Variants in DNAH7 observed in about 807,000 individuals in gnomAD.
DNAH7 encodes the protein dynein axonemal heavy chain 7, also known as axonemal beta dynein heavy chain 7.
DNAH7 carries 397 observed loss-of-function variants against 444.6 expected under a neutral mutation model. The ratio of observed to expected loss-of-function variants is 0.89; its 90% CI spans 0.82 to 0.97. The LOEUF is 0.97. Among genes scored for constraint, DNAH7 ranks in the 50% least tolerant of loss-of-function variants. DNAH7 has a pLI of 0.00. For synonymous variants in DNAH7, 1,636 were observed against 1,624.4 expected, an observed-to-expected ratio of 1.01 and a Z score of -0.17; for missense variants, 4,902 against 4,800.8, an observed-to-expected ratio of 1.02 and a Z score of -0.62.
At position 195,853,392 on chromosome 2, in the gene DNAH7, G is replaced by A. The variant is rs140034373; in HGVS notation, c.8732C>T (p.Ser2911Phe). Reference protein sequence around the residue: ...YINLTGDILISSGVVAYLGAF... With the variant: ...YINLTGDILIFSGVVAYLGAF... ...TCCGAGGTAAGCAACCACTCCGGAGGAAATGAGGATATCCCCAGTCAAGTT... is the reference window on the plus strand; with the variant it reads ...TCCGAGGTAAGCAACCACTCCGGAGAAAATGAGGATATCCCCAGTCAAGTT... The change falls in exon 46 of 65, where the codon TCC becomes TTC. Residue 2911 changes from serine to phenylalanine, a missense_variant. Transcript: ENST00000312428. 2.5e-6 allele frequency: 4 copies of A among 1,613,914 alleles called. No individual in the cohort carries two copies. Among genetic ancestry groups the A allele is most frequent in the Non-Finnish European group, 3.4e-6 (4 of 1,179,990 alleles).
chr2:195,818,521 T>A (rs915366136), intron 49 of DNAH7, among the ~76,000 whole-genome samples: 1 of 152,160 alleles, frequency 6.6e-6, no homozygotes, highest in East Asian at 1.9e-4. Flanking sequence ...ACTCTTTTTT[T>A]AAAAAAAGCA....
At chr2:195,906,253 T>C (rs1474339980) in intron 27 of DNAH7, among the ~76,000 whole-genome samples, 1 of 152,064 alleles carries the variant, frequency 6.6e-6, no homozygotes, top group Non-Finnish European at 1.5e-5. Context: ...AAATAAATAT[T>C]TTGGGAATTG....
At position 195,906,960 on chromosome 2, in the gene DNAH7, A is replaced by G; in HGVS notation, c.4154T>C (p.Ile1385Thr). ...AACCACAGAGAGTACTTCCAAATCA[A>G]TTCTGTTAAACTCATCAAAGCAAGC... Reference protein sequence around the residue: ...AWACFDEFNRIDLEVLSVVAQ... With the variant: ...AWACFDEFNRTDLEVLSVVAQ... Residue 1385 changes from isoleucine to threonine, a missense_variant, in exon 26 of 65, where the codon ATT becomes ACT. Ile to Thr is a moderately conservative substitution (Grantham distance 89). Coordinates refer to ENST00000312428, the MANE Select transcript of DNAH7 (RefSeq NM_018897.3). The G allele has an allele frequency of 6.2e-7, 1 of 1,613,330 alleles. No homozygotes were observed. Among genetic ancestry groups the G allele is most frequent in the Non-Finnish European group, 8.5e-7 (1 of 1,179,546 alleles).
At chr2:195,790,174 A>G (rs944514703) in intron 57 of DNAH7, among the ~76,000 whole-genome samples, 1 of 152,166 alleles carries the variant, frequency 6.6e-6, no homozygotes, top group Admixed American at 6.5e-5. Flanking sequence ...AAGAAATCAC[A>G]GGTGACCTAA....
chr2:196,064,499 T>C (rs1698314817), intron 1 of DNAH7, among the ~76,000 whole-genome samples: 1 of 152,080 alleles, frequency 6.6e-6, no homozygotes, highest in Admixed American at 6.5e-5. Context: ...TCTTTAAAAT[T>C]AGGAAATATT....
At position 195,886,288 on chromosome 2, in the gene DNAH7, G is replaced by GAAAA; in HGVS notation, c.5407-20_5407-17dup. Reference sequence around the variant, plus strand: ...GAGATAATTCCTGAAAAGTCAGTAAGAAAAATGACTAAACAATTTAAATTA... The same window carrying GAAAA: ...GAGATAATTCCTGAAAAGTCAGTAAGAAAAAAAAATGACTAAACAATTTAAATTA... On this transcript the variant is annotated splice_polypyrimidine_tract_variant and intron_variant, in intron 33 of 64. Coordinates refer to ENST00000312428, the MANE Select transcript of DNAH7 (RefSeq NM_018897.3). The GAAAA allele has an allele frequency of 1.2e-6, 2 of 1,603,056 alleles. No homozygotes were observed. The highest frequency in any genetic ancestry group is 8.5e-7 in the Non-Finnish European group (1 of 1,175,472).
At chr2:195,924,836 C>T (rs1350531726) in intron 22 of DNAH7, among the ~76,000 whole-genome samples, 3 of 152,104 alleles carry the variant, frequency 2.0e-5, no homozygotes, top group African/African-American at 7.2e-5. Flanking sequence ...TCTTTTCTGG[C>T]AGGTAAATCT....
intron 64 of DNAH7, 116 bp downstream of exon 64, chr2:195,740,650 T>TATATATATATACAC (rs1453163601): frequency 1.2e-4 from 9 of 72,196 alleles, no homozygotes; most frequent in African/African-American, 6.0e-4. Context: ...TATATACATA[T>TATATATATATACAC]ACACACACAC....
At chr2:195,980,542 A>G (rs981005128) in intron 15 of DNAH7, among the ~76,000 whole-genome samples, 11 of 152,216 alleles carry the variant, frequency 7.2e-5, no homozygotes, top group African/African-American at 2.7e-4. Flanking sequence ...AAACTAGACA[A>G]AGATGCATCA....
chr2:195,772,830 G>C (rs1037007358), intron 60 of DNAH7, among the ~76,000 whole-genome samples: 13 of 149,210 alleles, frequency 8.7e-5, no homozygotes, highest in African/African-American at 3.0e-4. Flanking sequence ...GCCCAGGCTG[G>C]AGTGCCGTGG....
At chr2:195,746,437 C>T (rs755495000) in intron 63 of DNAH7, among the ~76,000 whole-genome samples, 2 of 152,158 alleles carry the variant, frequency 1.3e-5, no homozygotes, top group African/African-American at 2.4e-5. Flanking sequence ...TAGAGATCAA[C>T]GAGACAGAAA....
chr2:195,994,482 C>T, intron 12 of DNAH7: 1 of 508,296 alleles, frequency 2.0e-6, no homozygotes, highest in Admixed American at 2.4e-5. Context: ...TGACCAATCG[C>T]CATGTCCTGT....
At chr2:196,023,856 T>C (rs1695524968) in intron 8 of DNAH7, among the ~76,000 whole-genome samples, 1 of 152,162 alleles carries the variant, frequency 6.6e-6, no homozygotes, top group Non-Finnish European at 1.5e-5. Context: ...GAGGCCACTG[T>C]AGGTTACTTG....
chr2:196,026,977 C>A, intron 6 of DNAH7, 37 bp from the exon 7 acceptor site: 2 of 1,469,912 alleles, frequency 1.4e-6, no homozygotes, highest in Non-Finnish European at 9.2e-7. Context: ...AGATGTTTAA[C>A]AAAAGAAGTA....
chr2:195,858,752 A>G lies in DNAH7; in HGVS notation c.7789T>C (p.Ser2597Pro). ...RYEVGLEKLDSASSQVATMQM... is the reference protein window; with the variant it reads ...RYEVGLEKLDPASSQVATMQM... ...ATTGTGGCTACTTGAGATGAAGCAG[A>G]ATCCAGTTTCTCCAAACCCACTTCA... Residue 2597 changes from serine (S) to proline (P), a missense_variant, in exon 43 of 65, where the codon TCT becomes CCT. Ser to Pro is a moderately conservative substitution (Grantham distance 74). Transcript: ENST00000312428. 1 of 1,613,750 alleles carries G rather than the reference A, an allele frequency of 6.2e-7. No individual in the cohort carries two copies. Among genetic ancestry groups the G allele is most frequent in the Non-Finnish European group, 8.5e-7 (1 of 1,179,828 alleles).
At chr2:195,869,000 A>G (rs491009) in intron 40 of DNAH7, among the ~76,000 whole-genome samples, 2,198 of 152,038 alleles carry the variant, frequency 0.014, 63 homozygotes, top group African/African-American at 0.05. Context: ...GTTAAGTTCA[A>G]TTGTTGCAGG....
At chr2:196,037,622 G>A (rs1382446302) in intron 5 of DNAH7, among the ~76,000 whole-genome samples, 1 of 152,104 alleles carries the variant, frequency 6.6e-6, no homozygotes, top group East Asian at 1.9e-4. Context: ...AGGAGTTTCT[G>A]CAATGGACTA....
intron 5 of DNAH7, among the ~76,000 whole-genome samples, chr2:196,038,452 C>T (rs1284583423): frequency 6.6e-6 from 1 of 152,110 alleles, no homozygotes; most frequent in Non-Finnish European, 1.5e-5. Flanking sequence ...AGAAAACAAT[C>T]ATTAAAATGA....
At chr2:195,939,658 A>G (rs1689289232) in intron 19 of DNAH7, among the ~76,000 whole-genome samples, 1 of 152,184 alleles carries the variant, frequency 6.6e-6, no homozygotes, top group African/African-American at 2.4e-5. Context: ...GGTTAAAAGA[A>G]CACTGACTGA....
Sources: allele counts gnomAD v4.1 joint callset (sites outside exome capture counted in the v4.1 genomes callset), GRCh38; gene constraint gnomAD v4.1.1; transcripts MANE v1.5; gene names NCBI Gene and HGNC (gene_info 2026-07-23, HGNC 2026-07-21).